The following C9orf50 variants were observed in gnomAD, a reference collection of about 807,000 sequenced individuals.
C9orf50 encodes uncharacterized protein C9orf50.
In C9orf50, 33 loss-of-function variants were observed where a neutral mutation model predicts 42.5. The ratio of observed to expected loss-of-function variants is 0.78; its 90% CI spans 0.59 to 1.04. The LOEUF is 1.04. Ranked by LOEUF, C9orf50 falls within the 50% of genes least tolerant of loss-of-function variation. The pLI is 0.00. For synonymous variants in C9orf50, 257 were observed against 273.4 expected, an observed-to-expected ratio of 0.94 and a Z score of 0.59; for missense variants, 547 against 594.3, an observed-to-expected ratio of 0.92 and a Z score of 0.83.
At chr9:129,615,495 C>T (rs374809292) in exon 4 of C9orf50, 18 of 1,597,418 alleles carry the variant, frequency 1.1e-5, no homozygotes, top group African/African-American at 8.1e-5. Flanking sequence ...TGAGCGTCTG[C>T]GCTCCCAGTA....
At position 129,620,185 on chromosome 9, in the gene C9orf50, G is replaced by C. The variant is rs1004883372; in HGVS notation, c.390C>G (p.Arg130=). The change falls in exon 1 of 7, where the codon CGC becomes CGG. Residue 130 remains arginine (R), a synonymous_variant. Coordinates refer to ENST00000372478, the Ensembl canonical transcript of C9orf50. This position sits in a 1 kb window ranked among gnomAD's most constrained non-coding sequence, Gnocchi z 5.8. ...AGAAGTCGGGGTCCTCCCTGGCCAC[G>C]CGCCTCCGGGGGCGCTCGCGCTCTC... The C allele has an allele frequency of 7.6e-6, 11 of 1,452,310 alleles. No individual in the cohort carries two copies. Among genetic ancestry groups the C allele is most frequent in the African/African-American group, 7.2e-5 (5 of 69,364 alleles). 90.0% of individuals were successfully genotyped at this position (1,452,310 alleles called of 1,614,324 possible).
At position 129,620,339 on chromosome 9, in the gene C9orf50, C is replaced by A; in HGVS notation, c.236G>T (p.Arg79Leu). The A allele has an allele frequency of 3.3e-6, 4 of 1,230,352 alleles. No individual in the cohort carries two copies. Among genetic ancestry groups the A allele is most frequent in the Non-Finnish European group, 4.1e-6 (4 of 986,446 alleles). The allele number at this position is 1,230,352 out of a possible 1,614,324, so 76.2% of individuals were successfully genotyped here. Reference sequence around the variant, plus strand: ...GGTCGCGGTGAGCAAGGCGGGCAGGCGCGGCGGGAGGCGTCCGACGCCCAC... The same window carrying A: ...GGTCGCGGTGAGCAAGGCGGGCAGGAGCGGCGGGAGGCGTCCGACGCCCAC... The change falls in exon 1 of 7, where the codon CGC (arginine) becomes CTC (leucine). Residue 79 changes from arginine to leucine, a missense_variant. By Grantham distance (102) the Arg-to-Leu change is moderately radical (BLOSUM62 -2). Around this residue, in one of 3 missense-constraint regions of C9orf50, gnomAD observed 108 missense variants for 172.1 expected, o/e 0.63. Coordinates refer to ENST00000372478, the Ensembl canonical transcript of C9orf50. The surrounding 1 kb of genome is among the most constrained non-coding windows in gnomAD (Gnocchi z 5.8).
chr9:129,613,182 TGAACAGAAGGGCAGGCTGCTGTTCATG>T lies in C9orf50; in HGVS notation c.1086_1112del (p.Met363_Ser371del). ...GCCTCTGAGCAGCGGCCTTCTTCCA[TGAACAGAAGGGCAGGCTGCTGTTCATG>T]GAGGTGTCCTCAGAAAGGTAGCCCT... On this transcript the variant is annotated inframe_deletion, in exon 6 of 7. Coordinates refer to ENST00000372478, the Ensembl canonical transcript of C9orf50. This position sits in a 1 kb window ranked among gnomAD's most constrained non-coding sequence, Gnocchi z 6.2. 6.2e-7 allele frequency: 1 copy of T among 1,613,686 alleles called. No homozygotes were observed. Among genetic ancestry groups the T allele is most frequent in the Non-Finnish European group, 8.5e-7 (1 of 1,180,008 alleles).
In C9orf50 at chr9:129,620,494, G is replaced by C; in HGVS notation, c.81C>G (p.Ser27Arg). The C allele has an allele frequency of 7.1e-7, 1 of 1,414,584 alleles. No homozygotes were observed. Among genetic ancestry groups the C allele is most frequent in the African/African-American group, 1.5e-5 (1 of 67,878 alleles). 87.6% of individuals were successfully genotyped at this position (1,414,584 alleles called of 1,614,324 possible). ...TCAGCTTGGGCAGCCGCGGGTCGCT[G>C]CTGCGTCGGAAGTCTCCGTCGCCAG... The change falls in exon 1 of 7, where the codon AGC (serine) becomes AGG (arginine). Residue 27 changes from serine (S) to arginine (R), a missense_variant. Ser to Arg is a moderately radical substitution (Grantham distance 110, BLOSUM62 -1). Coordinates refer to ENST00000372478, the Ensembl canonical transcript of C9orf50. This position sits in a 1 kb window ranked among gnomAD's most constrained non-coding sequence, Gnocchi z 5.8.
intron 3 of C9orf50, among the ~76,000 whole-genome samples, chr9:129,616,034 C>T (rs529990021): frequency 6.6e-6 from 1 of 152,206 alleles, no homozygotes; most frequent in East Asian, 1.9e-4. Context: ...GAATGCCAGC[C>T]CAGGAGTCAT....
In C9orf50 at chr9:129,613,644, C is replaced by A; in HGVS notation, c.881-47G>T. The A allele has an allele frequency of 6.2e-7, 1 of 1,608,430 alleles. No homozygotes were observed. Among genetic ancestry groups the A allele is most frequent in the East Asian group, 2.2e-5 (1 of 44,818 alleles). On this transcript the variant is annotated intron_variant, in intron 4 of 6. Coordinates refer to ENST00000372478, the Ensembl canonical transcript of C9orf50. This position sits in a 1 kb window ranked among gnomAD's most constrained non-coding sequence, Gnocchi z 6.2. ...GAGATCTCTGCCCAGGAGGAGGGCACTGGTGCCCCCACCCTCTTTTCCTCC... is the reference window on the plus strand; with the variant it reads ...GAGATCTCTGCCCAGGAGGAGGGCAATGGTGCCCCCACCCTCTTTTCCTCC...
rs3213763 is a variant in C9orf50, at chr9:129,613,543, C to G, written c.935G>C (p.Arg312Pro). 5.0e-6 allele frequency: 8 copies of G among 1,614,062 alleles called. No homozygotes were observed. The East Asian group carries it at 1.8e-4, about 36-fold the overall frequency. Residue 312 changes from arginine to proline, a missense_variant, in exon 5 of 7, where the codon CGG (arginine) becomes CCG (proline). Arg to Pro is a moderately radical substitution (Grantham distance 103). Coordinates refer to ENST00000372478, the Ensembl canonical transcript of C9orf50. The surrounding 1 kb of genome is among the most constrained non-coding windows in gnomAD (Gnocchi z 6.2). ...CCGTTTTCCGACACTCCCAAACACCCGCTCGGACGCCACTGGCAGGGCGGC... is the reference window on the plus strand; with the variant it reads ...CCGTTTTCCGACACTCCCAAACACCGGCTCGGACGCCACTGGCAGGGCGGC...
At chr9:129,616,999 A>G (rs1830421958) in intron 3 of C9orf50, among the ~76,000 whole-genome samples, 8 of 152,086 alleles carry the variant, frequency 5.3e-5, no homozygotes, top group Admixed American at 5.2e-4. Context: ...CCCAGGAGGT[A>G]GAGGTTGCAG....
Position 129,619,734 on chromosome 9 carries a change from G to C in C9orf50, c.599+6C>G, listed in dbSNP as rs1369004768. 6.2e-7 allele frequency: 1 copy of C among 1,613,908 alleles called. No individual in the cohort carries two copies. The highest frequency in any genetic ancestry group is 2.2e-5 in the East Asian group (1 of 44,868). On this transcript the variant is annotated splice_donor_region_variant and intron_variant, in intron 2 of 6. Coordinates refer to ENST00000372478, the Ensembl canonical transcript of C9orf50. ...CGTCCCCACCAAGAAGCGGACTGACGCTTACCACAGGTCTGGGAGGAATGA... is the reference window on the plus strand; with the variant it reads ...CGTCCCCACCAAGAAGCGGACTGACCCTTACCACAGGTCTGGGAGGAATGA...
upstream of C9orf50, among the ~76,000 whole-genome samples, chr9:129,621,083 C>T (rs530932879): frequency 5.3e-5 from 8 of 152,358 alleles, no homozygotes; most frequent in Admixed American, 2.0e-4. Flanking sequence ...ACGGCATCAC[C>T]GCATCACCGC....
chr9:129,618,513 G>A (rs1447904947), intron 3 of C9orf50, among the ~76,000 whole-genome samples: 5 of 151,996 alleles, frequency 3.3e-5, no homozygotes, highest in East Asian at 3.9e-4. Context: ...GGACAGATGC[G>A]TGGCTGGATG....
intron 3 of C9orf50, among the ~76,000 whole-genome samples, chr9:129,618,371 A>G (rs1038997256): frequency 1.3e-5 from 2 of 152,204 alleles, no homozygotes; most frequent in African/African-American, 4.8e-5. Flanking sequence ...AGTTAGAGTA[A>G]GAAATGGACA....
Position 129,613,004 on chromosome 9 carries a change from C to T in C9orf50, c.1188+103G>A, listed in dbSNP as rs1830162450. ...GGTGACTTGGCTCTCAGGGAGGGTC[C>T]ACTCCCAGCCCCAGCCACTCCACCA... On this transcript the variant is annotated intron_variant, in intron 6 of 6. Coordinates refer to ENST00000372478, the Ensembl canonical transcript of C9orf50. The surrounding 1 kb of genome is among the most constrained non-coding windows in gnomAD (Gnocchi z 6.2). The T allele has an allele frequency of 2.0e-6, 3 of 1,465,408 alleles. No homozygotes were observed. The highest frequency in any genetic ancestry group is 3.8e-5 in the Admixed American group (2 of 52,132). The allele number at this position is 1,465,408 out of a possible 1,614,324, so 90.8% of individuals were successfully genotyped here.
intron 1 of C9orf50, 84 bp from the exon 2 acceptor site, chr9:129,619,914 G>A: frequency 2.0e-6 from 3 of 1,524,032 alleles, no homozygotes; most frequent in South Asian, 2.3e-5. Context: ...TGGCAGACCA[G>A]CCCTCAAGGA....
At chr9:129,619,920 A>G in intron 1 of C9orf50, 90 bp from the exon 2 acceptor site, 1 of 1,518,166 alleles carries the variant, frequency 6.6e-7, no homozygotes, top group East Asian at 2.3e-5. Context: ...ACCAGCCCTC[A>G]AGGACGGGTT....
chr9:129,620,438 G>A lies in C9orf50; in HGVS notation c.137C>T (p.Ala46Val). 1 of 1,271,318 alleles carries A rather than the reference G, an allele frequency of 7.9e-7. No individual in the cohort carries two copies. The highest frequency in any genetic ancestry group is 9.9e-7 in the Non-Finnish European group (1 of 1,008,174). 78.8% of individuals were successfully genotyped at this position (1,271,318 alleles called of 1,614,324 possible). Reference sequence around the variant, plus strand: ...GATCCTCCAGTCCCCGGAGCCCCGCGCGCCCAGAGCCGCTCGGAGCGCGGG... The same window carrying A: ...GATCCTCCAGTCCCCGGAGCCCCGCACGCCCAGAGCCGCTCGGAGCGCGGG... Residue 46 changes from alanine to valine, a missense_variant, in exon 1 of 7, where the codon GCG (alanine) becomes GTG (valine). By Grantham distance (64) the Ala-to-Val change is moderately conservative. Coordinates refer to ENST00000372478, the Ensembl canonical transcript of C9orf50. The surrounding 1 kb of genome is among the most constrained non-coding windows in gnomAD (Gnocchi z 5.8).
upstream of C9orf50, among the ~76,000 whole-genome samples, chr9:129,621,040 T>TA (rs565445877): frequency 1.5e-3 from 234 of 152,358 alleles, 1 homozygote; most frequent in Middle Eastern, 0.01. Flanking sequence ...AGAATGGGGA[T>TA]AATAGCAGCA....
chr9:129,613,273 G>T lies in C9orf50; in HGVS notation c.1044-22C>A. 2 of 1,587,020 alleles carry T rather than the reference G, an allele frequency of 1.3e-6. No individual in the cohort carries two copies. Among genetic ancestry groups the T allele is most frequent in the South Asian group, 2.3e-5 (2 of 88,306 alleles). The stretch of plus-strand genomic sequence containing the variant: ...GGACCTGGGGGAGACAGGACCCCAT[G>T]AGCTTCCTGGACTCTGAGTCCCCGG... On this transcript the variant is annotated intron_variant, in intron 5 of 6. Coordinates refer to ENST00000372478, the Ensembl canonical transcript of C9orf50. The surrounding 1 kb of genome is among the most constrained non-coding windows in gnomAD (Gnocchi z 6.2).
Position 129,613,854 on chromosome 9 carries a change from C to T in C9orf50, c.881-257G>A, listed in dbSNP as rs775071709. Among the ~76,000 whole-genome samples the T allele has an allele frequency of 2.0e-5, 3 of 152,228 alleles. No individual in the cohort carries two copies. Among genetic ancestry groups the T allele is most frequent in the Non-Finnish European group, 2.9e-5 (2 of 68,036 alleles). On this transcript the variant is annotated intron_variant, in intron 4 of 6. Coordinates refer to ENST00000372478, the Ensembl canonical transcript of C9orf50. The surrounding 1 kb of genome is among the most constrained non-coding windows in gnomAD (Gnocchi z 6.2). ...GCAGCCGGAAGCGTGCCCCCTTTCTCGCAGTGGGGAGACCACTTACCCCAT... is the reference window on the plus strand; with the variant it reads ...GCAGCCGGAAGCGTGCCCCCTTTCTTGCAGTGGGGAGACCACTTACCCCAT...
Sources: gnomAD v4.1 joint callset for allele counts (sites outside exome capture counted in the v4.1 genomes callset) on GRCh38, gnomAD v4.1.1 for gene constraint, gnomAD v4.1.1 regional missense constraint, Gnocchi (gnomAD v3.1) non-coding constraint, MANE v1.5 for transcripts, NCBI Gene and HGNC (gene_info 2026-07-23, HGNC 2026-07-21) for gene names.